ZNG1A: variants seen among roughly 807,000 people sequenced by gnomAD.
ZNG1A encodes Zn regulated GTPase metalloprotein activator 1A.
At chr9:156,550 A>G in the ZNG1A span, 7 of 1,595,016 alleles carry the variant, frequency 4.4e-6, no homozygotes, top group Non-Finnish European at 5.9e-6. Context: ...AAGTTGGAAT[A>G]AAGTTACTAT....
the ZNG1A span, among the ~76,000 whole-genome samples, chr9:158,904 T>A: frequency 1.3e-5 from 2 of 152,170 alleles, no homozygotes; most frequent in Non-Finnish European, 2.9e-5. Context: ...TTCCCTCATG[T>A]GACTTCCTAC....
the ZNG1A span, among the ~76,000 whole-genome samples, chr9:170,380 C>CGT: frequency 7.4e-6 from 1 of 135,872 alleles, no homozygotes; most frequent in African/African-American, 3.3e-5. Context: ...TGTGTGTGCG[C>CGT]ATGTGCATGT....
At chr9:175,905 A>G in the ZNG1A span, 3 of 1,414,810 alleles carry the variant, frequency 2.1e-6, no homozygotes, top group African/African-American at 3.0e-5. Flanking sequence ...TTATTTTAGC[A>G]TAGAATATCC....
chr9:140,388 C>G, the ZNG1A span, among the ~76,000 whole-genome samples: 3 of 150,626 alleles, frequency 2.0e-5, no homozygotes, highest in Non-Finnish European at 4.4e-5. Flanking sequence ...GGGAGGCACC[C>G]CCTAGCAGAG....
the ZNG1A span, chr9:122,313 C>A: frequency 7.1e-7 from 1 of 1,414,320 alleles, no homozygotes; most frequent in Admixed American, 2.9e-5. Context: ...TCTTTTTGAA[C>A]AATCCCCTTT....
At chr9:131,922 T>TA in the ZNG1A span, among the ~76,000 whole-genome samples, 1 of 139,236 alleles carries the variant, frequency 7.2e-6, no homozygotes, top group Non-Finnish European at 1.5e-5. Flanking sequence ...AACTCTCCAC[T>TA]AAGACTTCTG....
chr9:141,184 C>G, the ZNG1A span, among the ~76,000 whole-genome samples: 3 of 135,996 alleles, frequency 2.2e-5, no homozygotes, highest in South Asian at 2.7e-4. Flanking sequence ...TCAGGAAATA[C>G]AGAGAATGCC....
At chr9:122,639 G>A in the ZNG1A span, 1 of 666,150 alleles carries the variant, frequency 1.5e-6, no homozygotes, top group South Asian at 8.0e-5. Flanking sequence ...TGGCTCCTAT[G>A]GGGATGAAAT....
chr9:154,120 C>A, the ZNG1A span: 1 of 152,936 alleles, frequency 6.5e-6, no homozygotes, highest in Admixed American at 6.4e-5. Context: ...GCTGATCAGC[C>A]TTGGCTATGG....
chr9:147,432 T>A, the ZNG1A span: 1 of 108,822 alleles, frequency 9.2e-6, no homozygotes, highest in Non-Finnish European at 1.8e-5. Context: ...TGTGCCTGCT[T>A]TCTTTATTCT....
the ZNG1A span, among the ~76,000 whole-genome samples, chr9:173,667 C>T: frequency 6.6e-6 from 1 of 152,030 alleles, no homozygotes; most frequent in Non-Finnish European, 1.5e-5. Flanking sequence ...ATCTTGAAGG[C>T]ATTTTTTTCT....
At chr9:154,224 T>C in the ZNG1A span, 32 of 163,690 alleles carry the variant, frequency 2.0e-4, 1 homozygote, top group East Asian at 5.1e-3. Flanking sequence ...CTGAGACCAC[T>C]TGAGTCAGGG....
At chr9:140,743 G>A in the ZNG1A span, among the ~76,000 whole-genome samples, 36 of 152,116 alleles carry the variant, frequency 2.4e-4, no homozygotes, top group South Asian at 5.6e-3. Flanking sequence ...AAACTACTCC[G>A]AGCTATGGGA....
chr9:175,193 C>G, the ZNG1A span, among the ~76,000 whole-genome samples: 13 of 152,280 alleles, frequency 8.5e-5, no homozygotes, highest in African/African-American at 3.1e-4. Flanking sequence ...TCCTGGCCAA[C>G]ATGGCGAAAC....
chr9:161,629 C>G, the ZNG1A span: 5 of 1,285,936 alleles, frequency 3.9e-6, no homozygotes, highest in Admixed American at 6.9e-5. Flanking sequence ...TGATTTCATT[C>G]TTTTCTGCCT....
At chr9:137,512 G>A in the ZNG1A span, among the ~76,000 whole-genome samples, 13 of 152,222 alleles carry the variant, frequency 8.5e-5, no homozygotes, top group South Asian at 6.2e-4. Flanking sequence ...ATCCAGACAC[G>A]GCGGATGAAA....
the ZNG1A span, chr9:151,382 C>G: frequency 1.0e-6 from 1 of 978,434 alleles, no homozygotes; most frequent in African/African-American, 1.9e-5. Flanking sequence ...AGCTGTGAGC[C>G]TCAGAGCTCC....
the ZNG1A span, among the ~76,000 whole-genome samples, chr9:142,179 G>C: frequency 6.7e-6 from 1 of 148,252 alleles, no homozygotes; most frequent in Admixed American, 6.7e-5. Context: ...ACTCAGCTCT[G>C]CACCAAGCAG....
the ZNG1A span, chr9:178,936 C>T: frequency 2.7e-6 from 3 of 1,110,462 alleles, 1 homozygote; most frequent in African/African-American, 4.4e-5. Context: ...GCAGGATCCT[C>T]CTCCTCATCC....
Sources: gnomAD v4.1 joint callset for allele counts (sites outside exome capture counted in the v4.1 genomes callset) on GRCh38, gnomAD v4.1.1 for gene constraint, MANE v1.5 for transcripts, NCBI Gene and HGNC (gene_info 2026-07-23, HGNC 2026-07-21) for gene names.